ARHGAP44: variants seen among roughly 807,000 people sequenced by gnomAD.
The protein encoded by ARHGAP44 is Rho GTPase activating protein 44.
Under a neutral mutation model 106.8 loss-of-function variants are expected in ARHGAP44, and 43 were observed. The ratio of observed to expected loss-of-function variants is 0.40; its 90% CI spans 0.32 to 0.52. ARHGAP44 has a LOEUF of 0.52. Ranked by LOEUF, ARHGAP44 falls within the 20% of genes least tolerant of loss-of-function variation. The probability of loss-of-function intolerance (pLI) is 0.48; values close to 1 mark genes in which losing one functional copy is unlikely to be tolerated. For synonymous variants in ARHGAP44, 439 were observed against 410.3 expected, an observed-to-expected ratio of 1.07 and a Z score of -0.85; for missense variants, 866 against 1,050.5, an observed-to-expected ratio of 0.82 and a Z score of 2.43.
chr17:12,955,649 G>A, intron 13 of ARHGAP44: 1 of 472,144 alleles, frequency 2.1e-6, no homozygotes, highest in Non-Finnish European at 3.8e-6. Flanking sequence ...TGAAGCAGAT[G>A]TCGACACCTG....
chr17:12,847,510 C>CTTTTTTTT lies in ARHGAP44; in HGVS notation c.54-47429_54-47428insTTTTTTTT, dbSNP rs201835763. ...TACACCTTCCTTCAAGCTACCATCA[C>CTTTTTTTT]TCTTTTTTTTTTTTTTTTTTTGAGA... is the stretch of plus-strand genomic sequence containing the variant. On this transcript the variant is annotated intron_variant, in intron 1 of 20. Transcript: ENST00000379672. Among the ~76,000 whole-genome samples the CTTTTTTTT allele has an allele frequency of 1.5e-5, 2 of 133,602 alleles. 1 individual carries two copies. The highest frequency in any genetic ancestry group is 6.6e-5 in the African/African-American group (2 of 30,206). 87.6% of individuals were successfully genotyped at this position (133,602 alleles called of 152,430 possible).
intron 10 of ARHGAP44, among the ~76,000 whole-genome samples, chr17:12,947,425 C>T (rs2038882884): frequency 6.6e-6 from 1 of 152,126 alleles, no homozygotes; most frequent in Admixed American, 6.5e-5. Context: ...TGGCCTCTGA[C>T]CTAGGGGCAT....
chr17:12,907,684 T>G (rs1041904325), intron 3 of ARHGAP44, among the ~76,000 whole-genome samples: 7 of 152,356 alleles, frequency 4.6e-5, no homozygotes, highest in African/African-American at 1.4e-4. Flanking sequence ...TTCCATTTTA[T>G]GGATATACCA....
intron 18 of ARHGAP44, among the ~76,000 whole-genome samples, chr17:12,976,612 C>CAAAA (rs59099893): frequency 9.9e-4 from 84 of 85,004 alleles, no homozygotes; most frequent in Middle Eastern, 8.5e-3. Flanking sequence ...GACTCTGTGT[C>CAAAA]AAAAAAAAAA....
intron 3 of ARHGAP44, among the ~76,000 whole-genome samples, chr17:12,897,784 G>T (rs1489022361): frequency 1.4e-5 from 2 of 142,530 alleles, no homozygotes; most frequent in African/African-American, 5.1e-5. Context: ...GTATGTTTTG[G>T]TATCGGGAGT....
rs577921837 is a variant in ARHGAP44, at chr17:12,806,913, C to T, written c.53+17022C>T. Among the ~76,000 whole-genome samples the T allele has an allele frequency of 9.9e-5, 15 of 152,118 alleles. No homozygotes were observed. In the South Asian group the frequency reaches 1.0e-3, roughly 11 times the overall value. On this transcript the variant is annotated intron_variant, in intron 1 of 20. Transcript: ENST00000379672. ...TAAGAGGGAAACTTTTATAAGGTGTCGTGGAAGCAAAACAAAAAATATTTG... is the reference window on the plus strand; with the variant it reads ...TAAGAGGGAAACTTTTATAAGGTGTTGTGGAAGCAAAACAAAAAATATTTG...
chr17:12,949,743 T>C lies in ARHGAP44; in HGVS notation c.1055+13T>C. 6.2e-7 allele frequency: 1 copy of C among 1,605,014 alleles called. No individual in the cohort carries two copies. Among genetic ancestry groups the C allele is most frequent in the Non-Finnish European group, 8.5e-7 (1 of 1,172,020 alleles). On this transcript the variant is annotated intron_variant, in intron 12 of 20. Coordinates refer to ENST00000379672, the MANE Select transcript of ARHGAP44 (RefSeq NM_014859.6). The surrounding 1 kb of genome is among the most constrained non-coding windows in gnomAD (Gnocchi z 4.1). ...TCCAGGCTTCCAAGTGAGTACCCCT[T>C]GTTTTGGAATGTCCTGTGAGTTACA...
chr17:12,790,148 T>TC (rs1226700834), intron 1 of ARHGAP44: 2 of 456,644 alleles, frequency 4.4e-6, no homozygotes, highest in East Asian at 7.6e-5. Flanking sequence ...TTTACCTGCG[T>TC]CCCCGGCTGC....
Position 12,974,238 on chromosome 17 carries a change from C to G in ARHGAP44, c.1691C>G (p.Pro564Arg), listed in dbSNP as rs1046732511. The G allele has an allele frequency of 2.6e-6, 4 of 1,536,744 alleles. No homozygotes were observed. Among genetic ancestry groups the G allele is most frequent in the Admixed American group, 2.0e-5 (1 of 49,810 alleles). Residue 564 changes from proline (P) to arginine (R), a missense_variant, in exon 18 of 21, where the codon CCC becomes CGC. Pro to Arg is a moderately radical substitution (Grantham distance 103). Transcript: ENST00000379672. ...APLPSPLPEQ[P>R]LDSPAAPALS... ...CTGCCTTCGCCGCTGCCGGAGCAGCCCCTGGACAGCCCCGCGGCCCCCGCG... is the reference window on the plus strand; with the variant it reads ...CTGCCTTCGCCGCTGCCGGAGCAGCGCCTGGACAGCCCCGCGGCCCCCGCG...
chr17:12,805,117 G>A (rs562376051), intron 1 of ARHGAP44, among the ~76,000 whole-genome samples: 1 of 152,146 alleles, frequency 6.6e-6, no homozygotes, highest in Non-Finnish European at 1.5e-5. Flanking sequence ...TGTAGTGGGG[G>A]GTTGGAAGAG....
intron 7 of ARHGAP44, among the ~76,000 whole-genome samples, chr17:12,939,300 T>C (rs1187925900): frequency 6.6e-6 from 1 of 152,084 alleles, no homozygotes. Flanking sequence ...CCTACTGTGC[T>C]AAACACTTTG....
intron 7 of ARHGAP44, among the ~76,000 whole-genome samples, chr17:12,936,329 CA>C (rs1258172102): frequency 6.6e-6 from 1 of 152,176 alleles, no homozygotes; most frequent in Non-Finnish European, 1.5e-5. Flanking sequence ...TCATTGCCCC[CA>C]AGTCCTCTGT....
At chr17:12,872,908 C>G (rs1336322664) in intron 1 of ARHGAP44, among the ~76,000 whole-genome samples, 1 of 152,096 alleles carries the variant, frequency 6.6e-6, no homozygotes, top group Non-Finnish European at 1.5e-5. Context: ...TAAGTTTTCT[C>G]TGTGCTTAAA....
At chr17:12,920,177 C>A (rs925961487) in intron 6 of ARHGAP44, among the ~76,000 whole-genome samples, 7 of 152,014 alleles carry the variant, frequency 4.6e-5, no homozygotes, top group Non-Finnish European at 7.4e-5. Context: ...AGATCGAGAC[C>A]ATCCTGGCTA....
At chr17:12,800,877 T>C (rs547770544) in intron 1 of ARHGAP44, among the ~76,000 whole-genome samples, 1 of 152,266 alleles carries the variant, frequency 6.6e-6, no homozygotes, top group East Asian at 1.9e-4. Context: ...TCAGAGTCCC[T>C]CAAAGTTACT....
chr17:12,929,218 T>G, intron 7 of ARHGAP44, 172 bp downstream of exon 7: 1 of 544,362 alleles, frequency 1.8e-6, no homozygotes, highest in Non-Finnish European at 3.3e-6. Flanking sequence ...ACCCAAGGAG[T>G]TGGGGCTTTG....
intron 1 of ARHGAP44, among the ~76,000 whole-genome samples, chr17:12,876,909 C>CAAAAAAAA (rs59331390): frequency 1.1e-5 from 1 of 90,702 alleles, no homozygotes; most frequent in Non-Finnish European, 2.3e-5. Flanking sequence ...GACTCCGTCT[C>CAAAAAAAA]AAAAAAAAAA....
Position 12,958,603 on chromosome 17 carries a change from A to T in ARHGAP44, c.1343-114A>T. 1 of 1,042,740 alleles carries T rather than the reference A, an allele frequency of 9.6e-7. No individual in the cohort carries two copies. The highest frequency in any genetic ancestry group is 1.4e-6 in the Non-Finnish European group (1 of 716,174). 64.6% of individuals were successfully genotyped at this position (1,042,740 alleles called of 1,614,324 possible). On this transcript the variant is annotated intron_variant, in intron 15 of 20. Coordinates refer to ENST00000379672, the MANE Select transcript of ARHGAP44 (RefSeq NM_014859.6). This position sits in a 1 kb window ranked among gnomAD's most constrained non-coding sequence, Gnocchi z 4.1. ...TATTAATAAGGTGAACCATGGGATGAAATTTTCTAGGGATGACATACGAGG... is the reference window on the plus strand; with the variant it reads ...TATTAATAAGGTGAACCATGGGATGTAATTTTCTAGGGATGACATACGAGG...
At chr17:12,973,421 G>C in intron 17 of ARHGAP44, 102 bp downstream of exon 17, 1 of 1,287,380 alleles carries the variant, frequency 7.8e-7, no homozygotes, top group Non-Finnish European at 1.1e-6. Flanking sequence ...CGCCGCGTCT[G>C]GTTGCTTGGC....
Sources: gnomAD v4.1 joint callset for allele counts (sites outside exome capture counted in the v4.1 genomes callset) on GRCh38, gnomAD v4.1.1 for gene constraint, Gnocchi (gnomAD v3.1) non-coding constraint, MANE v1.5 for transcripts, NCBI Gene and HGNC (gene_info 2026-07-23, HGNC 2026-07-21) for gene names.